The following ERBB2 variants were observed in gnomAD, a reference collection of about 807,000 sequenced individuals.
ERBB2 encodes receptor tyrosine-protein kinase erbB-2.
ERBB2 carries 61 observed loss-of-function variants against 149.0 expected under a neutral mutation model. The ratio of observed to expected loss-of-function variants is 0.41; its 90% CI spans 0.33 to 0.51. ERBB2 has a LOEUF of 0.51. ERBB2 is among the 20% of genes least tolerant of loss of function. ERBB2 has a pLI of 0.25. For missense variants in ERBB2, 1,205 were observed against 1,655.1 expected, an observed-to-expected ratio of 0.73 and a Z score of 4.72; for synonymous variants, 633 against 678.8, an observed-to-expected ratio of 0.93 and a Z score of 1.05.
chr17:39,688,794 G>T (rs2057623468), exon 2 of ERBB2: 1 of 152,310 alleles, frequency 6.6e-6, no homozygotes, highest in Non-Finnish European at 1.5e-5. Flanking sequence ...ACAGAATTTG[G>T]CTTATGGTAG....
chr17:39,698,958 T>TAA (rs71149792), upstream of ERBB2, among the ~76,000 whole-genome samples: 3 of 137,886 alleles, frequency 2.2e-5, no homozygotes, highest in Non-Finnish European at 3.1e-5. Flanking sequence ...TTGTTGAAAT[T>TAA]AAAAAAAAAA....
At position 39,723,598 on chromosome 17, in the gene ERBB2, AAAGAG is replaced by A; in HGVS notation, c.2148_2152del (p.Lys716AsnfsTer25). 6 of 1,608,328 alleles carry A rather than the reference AAAGAG, an allele frequency of 3.7e-6. No homozygotes were observed. Among genetic ancestry groups the A allele is most frequent in the Non-Finnish European group, 5.1e-6 (6 of 1,177,406 alleles). ...CAACCAGGCGCAGATGCGGATCCTG[AAAGAG>A]ACGGAGCTGAGGAAGGTGAAGGTGC... On this transcript the variant is annotated frameshift_variant, in exon 18 of 27. Transcript: ENST00000269571. LOFTEE classifies it high-confidence loss of function. The surrounding 1 kb of genome is among the most constrained non-coding windows in gnomAD (Gnocchi z 6.2).
intron 15 of ERBB2, among the ~76,000 whole-genome samples, chr17:39,719,326 G>T (rs993426564): frequency 6.6e-6 from 1 of 152,006 alleles, no homozygotes; most frequent in Non-Finnish European, 1.5e-5. Flanking sequence ...TCCAGATCAC[G>T]GTGTTAGAAC....
Position 39,723,430 on chromosome 17 carries a change from G to C in ERBB2, c.2058G>C (p.Thr686=), listed in dbSNP as rs2059557281. ...GGCAGCAGAAGATCCGGAAGTACACGATGCGGAGACTGCTGCAGGAAACGG... is the reference window on the plus strand; with the variant it reads ...GGCAGCAGAAGATCCGGAAGTACACCATGCGGAGACTGCTGCAGGAAACGG... ...KRRQQKIRKY[T]MRRLLQETEL... is the part of the protein sequence containing the mutation. The change falls in exon 17 of 27, where the codon ACG becomes ACC. Residue 686 remains threonine, a synonymous_variant. Transcript: ENST00000269571. This position sits in a 1 kb window ranked among gnomAD's most constrained non-coding sequence, Gnocchi z 6.2. 1 of 1,614,174 alleles carries C rather than the reference G, an allele frequency of 6.2e-7. No individual in the cohort carries two copies. The highest frequency in any genetic ancestry group is 1.1e-5 in the South Asian group (1 of 91,082).
chr17:39,714,654 A>G (rs2059011717), intron 9 of ERBB2, among the ~76,000 whole-genome samples: 1 of 152,136 alleles, frequency 6.6e-6, no homozygotes. Context: ...CTATTTACTA[A>G]TAGACATTTA....
intron 15 of ERBB2, 171 bp downstream of exon 15, chr17:39,717,651 C>T: frequency 1.8e-6 from 1 of 564,636 alleles, no homozygotes; most frequent in Non-Finnish European, 3.0e-6. Context: ...AAATTAATGC[C>T]CTAGCAGTTC....
intron 5 of ERBB2, 21 bp from the exon 6 acceptor site, chr17:39,710,065 A>G (rs2145499963): frequency 6.3e-7 from 1 of 1,597,250 alleles, no homozygotes; most frequent in Non-Finnish European, 8.5e-7. Context: ...CTCAGCCCTC[A>G]TCCTGCCCTT....
At chr17:39,691,900 GATATAT>G (rs549310133), upstream of ERBB2, among the ~76,000 whole-genome samples, 344 of 110,760 alleles carry the variant, frequency 3.1e-3, 3 homozygotes, top group African/African-American at 0.011. Context: ...TATAGATATA[GATATAT>G]ATACATATAC....
At chr17:39,724,664 G>A (rs2145843656) in intron 19 of ERBB2, 62 bp from the exon 20 acceptor site, 14 of 1,464,940 alleles carry the variant, frequency 9.6e-6, no homozygotes, top group Non-Finnish European at 1.2e-5. Flanking sequence ...ATGGTTGGGA[G>A]GCTGTGTGGT....
chr17:39,703,913 TG>T (rs896621984), intron 1 of ERBB2, among the ~76,000 whole-genome samples: 4 of 152,236 alleles, frequency 2.6e-5, no homozygotes, highest in Admixed American at 2.0e-4. Context: ...TTGGCTTTTC[TG>T]CTGTGAGCAA....
At chr17:39,704,597 G>A (rs1444268735) in intron 1 of ERBB2, among the ~76,000 whole-genome samples, 1 of 152,130 alleles carries the variant, frequency 6.6e-6, no homozygotes, top group Non-Finnish European at 1.5e-5. Flanking sequence ...ATGGGACAGG[G>A]CAGATATGGG....
At chr17:39,697,299 C>T (rs1037585235), upstream of ERBB2, among the ~76,000 whole-genome samples, 1 of 149,846 alleles carries the variant, frequency 6.7e-6, no homozygotes, top group Non-Finnish European at 1.5e-5. Flanking sequence ...GATACCTGTA[C>T]AAAACTCCAC....
chr17:39,712,257 G>A lies in ERBB2; in HGVS notation c.1022-65G>A, dbSNP rs751632348. 9 of 1,605,046 alleles carry A rather than the reference G, an allele frequency of 5.6e-6. No homozygotes were observed. In the East Asian group the frequency reaches 1.8e-4, roughly 32 times the overall value. ...GGGCCCGGACCCTGATGCTCATGTGGCTGTTGACCTGTCCCGGTATGAAGG... is the reference window on the plus strand; with the variant it reads ...GGGCCCGGACCCTGATGCTCATGTGACTGTTGACCTGTCCCGGTATGAAGG... On this transcript the variant is annotated intron_variant, in intron 8 of 26. Transcript: ENST00000269571.
At position 39,726,946 on chromosome 17, in the gene ERBB2, C is replaced by T. The variant is rs1012395208; in HGVS notation, c.3102C>T (p.Asp1034=). 1.2e-6 allele frequency: 2 copies of T among 1,613,100 alleles called. No homozygotes were observed. The highest frequency in any genetic ancestry group is 1.3e-5 in the African/African-American group (1 of 74,886). Residue 1034 remains aspartate, a synonymous_variant, in exon 25 of 27, where the codon GAC becomes GAT. Transcript: ENST00000269571. This position sits in a 1 kb window ranked among gnomAD's most constrained non-coding sequence, Gnocchi z 5.1. The part of the protein sequence containing the change: ...LVPQQGFFCP[D]PAPGAGGMVH... ...CCCAGCAGGGCTTCTTCTGTCCAGA[C>T]CCTGCCCCGGGCGCTGGGGGCATGG...
intron 15 of ERBB2, chr17:39,717,748 T>C: frequency 3.7e-6 from 1 of 272,940 alleles, no homozygotes; most frequent in East Asian, 6.0e-5. Context: ...AGTTAACATA[T>C]ATTAATATTA....
intron 15 of ERBB2, 74 bp from the exon 16 acceptor site, chr17:39,719,713 T>G (rs2145744870): frequency 3.4e-6 from 5 of 1,449,346 alleles, no homozygotes; most frequent in Non-Finnish European, 4.9e-6. Flanking sequence ...CCTCCCAGGG[T>G]TGTTGTGAGG....
At chr17:39,714,669 A>G (rs968376384) in intron 9 of ERBB2, among the ~76,000 whole-genome samples, 4 of 151,874 alleles carry the variant, frequency 2.6e-5, no homozygotes, top group Admixed American at 2.0e-4. Context: ...CATTTAGATC[A>G]TGTTCCATTT....
chr17:39,727,402 C>T lies in ERBB2; in HGVS notation c.3267C>T (p.Asp1089=), dbSNP rs2143244051. ...CTGGCTCCGATGTATTTGATGGTGA[C>T]CTGGGAATGGGGGCAGCCAAGGGGC... is the stretch of plus-strand genomic sequence containing the variant. ...EGAGSDVFDG[D]LGMGAAKGLQ... The change falls in exon 26 of 27, where the codon GAC becomes GAT. Residue 1089 remains aspartate (D), a synonymous_variant. Transcript: ENST00000269571. The surrounding 1 kb of genome is among the most constrained non-coding windows in gnomAD (Gnocchi z 4.3). 1 of 1,610,816 alleles carries T rather than the reference C, an allele frequency of 6.2e-7. No homozygotes were observed. The highest frequency in any genetic ancestry group is 8.5e-7 in the Non-Finnish European group (1 of 1,178,824).
At chr17:39,712,911 C>T (rs889501668) in intron 9 of ERBB2, among the ~76,000 whole-genome samples, 1 of 152,154 alleles carries the variant, frequency 6.6e-6, no homozygotes, top group East Asian at 1.9e-4. Context: ...ACTGTCTGAT[C>T]CCCTTTATGT....
Sources: gnomAD v4.1 joint callset for allele counts (sites outside exome capture counted in the v4.1 genomes callset) on GRCh38, gnomAD v4.1.1 for gene constraint, Gnocchi (gnomAD v3.1) non-coding constraint, MANE v1.5 for transcripts, NCBI Gene and HGNC (gene_info 2026-07-23, HGNC 2026-07-21) for gene names.